DCC: variants seen among roughly 807,000 people sequenced by gnomAD.
DCC encodes the protein netrin receptor DCC.
Under a neutral mutation model 172.5 loss-of-function variants are expected in DCC, and 58 were observed. The observed-to-expected ratio is 0.34, with a 90% CI of 0.27 to 0.42. The LOEUF is 0.42. Among genes scored for constraint, DCC ranks in the 10% least tolerant of loss-of-function variants. The pLI, the probability that DCC is intolerant of heterozygous loss-of-function variation, is 1.00. For synonymous variants in DCC, 709 were observed against 644.5 expected, an observed-to-expected ratio of 1.10 and a Z score of -1.52; for missense variants, 1,740 against 1,791.0, an observed-to-expected ratio of 0.97 and a Z score of 0.51.
intron 1 of DCC, among the ~76,000 whole-genome samples, chr18:52,480,207 G>T (rs181100326): frequency 2.0e-4 from 30 of 151,612 alleles, no homozygotes; most frequent in Admixed American, 1.7e-3. Flanking sequence ...TAATATTCCA[G>T]AAAGAAAAAA....
Position 53,067,437 on chromosome 18 carries a change from G to A in DCC, c.1261+1271G>A, listed in dbSNP as rs1044817226. On this transcript the variant is annotated intron_variant, in intron 7 of 28. Coordinates refer to ENST00000442544, the MANE Select transcript of DCC (RefSeq NM_005215.4). ...CTTGGGAGGCTGAAGCAGAACAATC[G>A]TTTGAGCCCAGGGTGTTGAGGCTGC... Among the ~76,000 whole-genome samples, 17 of 152,184 alleles carry A rather than the reference G, an allele frequency of 1.1e-4. No homozygotes were observed. In the East Asian group the frequency reaches 1.2e-3, roughly 10 times the overall value.
chr18:53,303,336 C>CAA (rs1428766695), intron 12 of DCC, among the ~76,000 whole-genome samples: 10 of 152,098 alleles, frequency 6.6e-5, no homozygotes, highest in Non-Finnish European at 1.2e-4. Flanking sequence ...CTTAGATTAC[C>CAA]AGGGTATTAA....
At chr18:53,280,582 C>A (rs149785423) in intron 12 of DCC, among the ~76,000 whole-genome samples, 418 of 152,104 alleles carry the variant, frequency 2.7e-3, no homozygotes, top group African/African-American at 9.7e-3. Flanking sequence ...TTTATTCATA[C>A]TCTTGCCAAG....
At chr18:52,515,771 T>C (rs1027791291) in intron 1 of DCC, among the ~76,000 whole-genome samples, 17 of 150,622 alleles carry the variant, frequency 1.1e-4, no homozygotes, top group Non-Finnish European at 1.5e-5. Context: ...AATTAAAAAC[T>C]GTTGCTTTGT....
At position 52,859,343 on chromosome 18, in the gene DCC, A is replaced by G. The variant is rs2039100048; in HGVS notation, c.413-46701A>G. ...AAGTTTCACTGAGAAATCAACTGAC[A>G]AAAAGAAGATTCATTGAAAAAAAGG... On this transcript the variant is annotated intron_variant, in intron 2 of 28. Coordinates refer to ENST00000442544, the MANE Select transcript of DCC (RefSeq NM_005215.4). 1.3e-5 allele frequency among the ~76,000 whole-genome samples: 2 copies of G among 152,186 alleles called. 1 individual carries two copies. Among genetic ancestry groups the G allele is most frequent in the South Asian group, 4.1e-4 (2 of 4,836 alleles).
chr18:52,767,127 A>T (rs1482851279), intron 2 of DCC, among the ~76,000 whole-genome samples: 1 of 148,956 alleles, frequency 6.7e-6, no homozygotes, highest in Admixed American at 6.6e-5. Context: ...AACATACGAG[A>T]TTATATTTAT....
At chr18:52,680,614 G>A (rs1406640601) in intron 1 of DCC, among the ~76,000 whole-genome samples, 1 of 152,132 alleles carries the variant, frequency 6.6e-6, no homozygotes, top group Non-Finnish European at 1.5e-5. Flanking sequence ...AGAGGTAGCA[G>A]GTGTTACTCA....
intron 1 of DCC, among the ~76,000 whole-genome samples, chr18:52,499,350 G>A (rs2030933584): frequency 6.6e-6 from 1 of 152,078 alleles, no homozygotes. Flanking sequence ...GGGGAAATGT[G>A]GATGTGAAGA....
intron 2 of DCC, chr18:52,757,130 T>G (rs1286368501): frequency 4.6e-5 from 7 of 152,204 alleles, no homozygotes; most frequent in Non-Finnish European, 1.5e-5. Context: ...TCCCTTGGAA[T>G]AAAAGATTCA....
intron 1 of DCC, among the ~76,000 whole-genome samples, chr18:52,688,123 CTTCT>C (rs757347889): frequency 1.7e-5 from 2 of 115,840 alleles, no homozygotes; most frequent in Non-Finnish European, 3.8e-5. Context: ...GTTCAGGGAT[CTTCT>C]TTTTTTTTTT....
At chr18:52,505,589 G>T (rs906068303) in intron 1 of DCC, among the ~76,000 whole-genome samples, 2 of 152,060 alleles carry the variant, frequency 1.3e-5, no homozygotes, top group Non-Finnish European at 2.9e-5. Context: ...CTTTCTAATT[G>T]CTAGAGCAAT....
At chr18:53,303,459 C>T (rs1206373705) in intron 12 of DCC, among the ~76,000 whole-genome samples, 1 of 152,080 alleles carries the variant, frequency 6.6e-6, no homozygotes, top group African/African-American at 2.4e-5. Flanking sequence ...TCTTTGATGT[C>T]TGGTAATCTT....
chr18:52,884,010 TTAAGTA>T (rs1444258804), intron 2 of DCC, among the ~76,000 whole-genome samples: 1 of 151,974 alleles, frequency 6.6e-6, no homozygotes, highest in African/African-American at 2.4e-5. Flanking sequence ...CTTCAGCACT[TTAAGTA>T]TATCATGCCA....
At position 52,630,648 on chromosome 18, in the gene DCC, A is replaced by AT. The variant is rs906301906; in HGVS notation, c.92-121393dup. On this transcript the variant is annotated intron_variant, in intron 1 of 28. Coordinates refer to ENST00000442544, the MANE Select transcript of DCC (RefSeq NM_005215.4). Reference sequence around the variant, plus strand: ...CTGGACAGACCTTTATGACGGTGAGATTTTTTTTTTTTTACAAATCTTGCA... The same window carrying AT: ...CTGGACAGACCTTTATGACGGTGAGATTTTTTTTTTTTTTACAAATCTTGCA... Among the ~76,000 whole-genome samples, 1,102 of 146,792 alleles carry AT rather than the reference A, an allele frequency of 7.5e-3. 9 individuals are homozygous for AT. The highest frequency in any genetic ancestry group is 9.9e-3 in the Non-Finnish European group (654 of 66,164).
In DCC at chr18:52,929,686, A is replaced by G. The variant is rs1051547043; in HGVS notation, c.985+4316A>G. Among the ~76,000 whole-genome samples, 4 of 152,186 alleles carry G rather than the reference A, an allele frequency of 2.6e-5. No individual in the cohort carries two copies. In the South Asian group the frequency reaches 8.3e-4, roughly 32 times the overall value. On this transcript the variant is annotated intron_variant, in intron 5 of 28. Coordinates refer to ENST00000442544, the MANE Select transcript of DCC (RefSeq NM_005215.4). Reference sequence around the variant, plus strand: ...AAAGTGGTGTGCCGTTTGTATAATCAGAAAAATAAATGTGGAGGTATAAAA... The same window carrying G: ...AAAGTGGTGTGCCGTTTGTATAATCGGAAAAATAAATGTGGAGGTATAAAA...
At chr18:53,148,207 G>A (rs1317500188) in intron 7 of DCC, among the ~76,000 whole-genome samples, 4 of 152,170 alleles carry the variant, frequency 2.6e-5, no homozygotes, top group Non-Finnish European at 5.9e-5. Flanking sequence ...ATCTATATCA[G>A]CAACGCATGT....
chr18:53,148,565 A>G (rs2043950269), intron 7 of DCC, among the ~76,000 whole-genome samples: 1 of 152,150 alleles, frequency 6.6e-6, no homozygotes, highest in African/African-American at 2.4e-5. Flanking sequence ...GAGAAAGATG[A>G]TTAAAGGTGG....
chr18:53,144,140 G>T (rs2043870907), intron 7 of DCC, among the ~76,000 whole-genome samples: 1 of 152,156 alleles, frequency 6.6e-6, no homozygotes, highest in Admixed American at 6.5e-5. Context: ...GCATATTAGG[G>T]ATGTTAATGC....
chr18:53,525,871 T>G (rs2046449042), intron 27 of DCC, among the ~76,000 whole-genome samples: 1 of 152,114 alleles, frequency 6.6e-6, no homozygotes, highest in Non-Finnish European at 1.5e-5. Flanking sequence ...TAAGCCTTTA[T>G]GAAAGTTTTA....
Sources: gnomAD v4.1 joint callset for allele counts (sites outside exome capture counted in the v4.1 genomes callset) on GRCh38, gnomAD v4.1.1 for gene constraint, MANE v1.5 for transcripts, NCBI Gene and HGNC (gene_info 2026-07-23, HGNC 2026-07-21) for gene names.